COL5A2: variants seen among roughly 807,000 people sequenced by gnomAD.
COL5A2 encodes the protein collagen type V alpha 2 chain.
Under a neutral mutation model 208.2 loss-of-function variants are expected in COL5A2, and 23 were observed. The ratio of observed to expected loss-of-function variants is 0.11; its 90% confidence interval spans 0.08 to 0.16. The LOEUF is 0.16. Ranked by LOEUF, COL5A2 falls within the 10% of genes least tolerant of loss-of-function variation. The probability of loss-of-function intolerance (pLI) is 1.00; values close to 1 mark genes in which losing one functional copy is unlikely to be tolerated. For missense variants in COL5A2, 1,590 were observed against 1,956.4 expected, an observed-to-expected ratio of 0.81 and a Z score of 3.53; for synonymous variants, 625 against 628.5, an observed-to-expected ratio of 0.99 and a Z score of 0.08.
At chr2:189,250,000 T>A in the COL5A2 span, among the ~76,000 whole-genome samples, 1 of 152,238 alleles carries the variant, frequency 6.6e-6, no homozygotes, top group Non-Finnish European at 1.5e-5. Context: ...GCCCAGCCTA[T>A]CTGTGTATTA....
At chr2:189,063,127 T>G in intron 27 of COL5A2, 45 bp downstream of exon 27, 1 of 1,610,232 alleles carries the variant, frequency 6.2e-7, no homozygotes, top group Non-Finnish European at 8.5e-7. Flanking sequence ...CTCCTCCAAA[T>G]GAGGATCATG....
chr2:189,220,266 T>A (rs572757969), intron 1 of COL5A2, among the ~76,000 whole-genome samples: 3 of 152,336 alleles, frequency 2.0e-5, no homozygotes, highest in African/African-American at 7.2e-5. Flanking sequence ...TAACATCTTA[T>A]CAGAAAACTA....
At chr2:189,278,540 G>A in the COL5A2 span, among the ~76,000 whole-genome samples, 1 of 151,848 alleles carries the variant, frequency 6.6e-6, no homozygotes, top group Non-Finnish European at 1.5e-5. Context: ...TTTTTTCTTT[G>A]CCTTTACTCT....
the COL5A2 span, among the ~76,000 whole-genome samples, chr2:189,328,430 C>T: frequency 6.6e-6 from 1 of 152,314 alleles, no homozygotes; most frequent in Admixed American, 6.5e-5. Context: ...GCAGGCAGCA[C>T]CTTCCTCAGG....
At chr2:189,272,769 C>A in the COL5A2 span, among the ~76,000 whole-genome samples, 2 of 152,204 alleles carry the variant, frequency 1.3e-5, no homozygotes, top group South Asian at 4.1e-4. Context: ...AGCTCTGGAT[C>A]TCAAAACCAG....
intron 1 of COL5A2, among the ~76,000 whole-genome samples, chr2:189,175,045 C>T (rs1688649880): frequency 1.3e-5 from 2 of 152,128 alleles, no homozygotes; most frequent in South Asian, 2.1e-4. Context: ...CCATTGAAAC[C>T]GTAAGATCTA....
chr2:189,072,303 C>A (rs1686292591), intron 17 of COL5A2, among the ~76,000 whole-genome samples: 1 of 152,126 alleles, frequency 6.6e-6, no homozygotes, highest in Non-Finnish European at 1.5e-5. Context: ...AGGTATTAAA[C>A]ATAATTGGAT....
the COL5A2 span, among the ~76,000 whole-genome samples, chr2:189,298,104 T>A: frequency 6.6e-6 from 1 of 152,282 alleles, no homozygotes; most frequent in South Asian, 2.1e-4. Context: ...AGCCTGTATG[T>A]ATGTATTATT....
chr2:189,391,128 A>G, the COL5A2 span, among the ~76,000 whole-genome samples: 1 of 152,188 alleles, frequency 6.6e-6, no homozygotes, highest in Non-Finnish European at 1.5e-5. Context: ...TTTGAAATGT[A>G]TCCAAAGCAA....
At chr2:189,371,104 C>G in the COL5A2 span, among the ~76,000 whole-genome samples, 1 of 152,074 alleles carries the variant, frequency 6.6e-6, no homozygotes, top group African/African-American at 2.4e-5. Flanking sequence ...TCCCCCTTCC[C>G]CACATCTCTT....
chr2:189,310,451 T>A, the COL5A2 span, among the ~76,000 whole-genome samples: 1 of 152,004 alleles, frequency 6.6e-6, no homozygotes, highest in South Asian at 2.1e-4. Flanking sequence ...TGTAGAAAAA[T>A]AAACCCTTGT....
At chr2:189,056,880 A>G in intron 35 of COL5A2, 93 bp downstream of exon 35, 2 of 1,210,516 alleles carry the variant, frequency 1.7e-6, no homozygotes, top group Non-Finnish European at 2.5e-6. Context: ...CCAAGGAAAC[A>G]TGACTGACTT....
chr2:189,237,568 CAG>C, the COL5A2 span, among the ~76,000 whole-genome samples: 1 of 151,812 alleles, frequency 6.6e-6, no homozygotes, highest in East Asian at 1.9e-4. Flanking sequence ...AAATGCACCT[CAG>C]AGAAGTTAAT....
At chr2:189,114,371 T>A (rs1687345196) in intron 1 of COL5A2, among the ~76,000 whole-genome samples, 1 of 152,190 alleles carries the variant, frequency 6.6e-6, no homozygotes, top group African/African-American at 2.4e-5. Context: ...GATTAAGTTG[T>A]CCCTTCTGTT....
intron 1 of COL5A2, among the ~76,000 whole-genome samples, chr2:189,195,308 T>C (rs1206435042): frequency 6.6e-6 from 1 of 151,908 alleles, no homozygotes. Context: ...CTCAAGAAAA[T>C]AAGAGAGGAC....
intron 1 of COL5A2, among the ~76,000 whole-genome samples, chr2:189,177,180 C>G (rs867384794): frequency 1.6e-4 from 25 of 152,278 alleles, no homozygotes; most frequent in African/African-American, 5.8e-4. Context: ...CATATTTGTA[C>G]AAAATGTAAA....
At chr2:189,277,670 T>TA in the COL5A2 span, among the ~76,000 whole-genome samples, 1 of 152,008 alleles carries the variant, frequency 6.6e-6, no homozygotes, top group Non-Finnish European at 1.5e-5. Context: ...TATTTTTAAA[T>TA]AAAATCAAAG....
At chr2:189,330,666 C>T in the COL5A2 span, among the ~76,000 whole-genome samples, 866 of 152,144 alleles carry the variant, frequency 5.7e-3, 6 homozygotes, top group Non-Finnish European at 0.01. Flanking sequence ...TGCTCAGGTC[C>T]CAAGCCATAA....
intron 50 of COL5A2, among the ~76,000 whole-genome samples, chr2:189,041,166 A>G (rs1469078754): frequency 6.6e-6 from 1 of 152,180 alleles, no homozygotes; most frequent in Admixed American, 6.5e-5. Context: ...AGTTTTAATC[A>G]AAGTCCTCCC....
Sources: allele counts gnomAD v4.1 joint callset (sites outside exome capture counted in the v4.1 genomes callset), GRCh38; gene constraint gnomAD v4.1.1; transcripts MANE v1.5; gene names NCBI Gene and HGNC (gene_info 2026-07-23, HGNC 2026-07-21).